BCL9: variants seen among roughly 807,000 people sequenced by gnomAD.
BCL9 encodes B-cell CLL/lymphoma 9 protein.
Under a neutral mutation model 88.5 loss-of-function variants are expected in BCL9, and 25 were observed. The observed-to-expected ratio is 0.28, with a 90% CI of 0.21 to 0.39. BCL9 has a LOEUF of 0.39. Ranked by LOEUF, BCL9 falls within the 10% of genes least tolerant of loss-of-function variation. The probability of loss-of-function intolerance (pLI) is 1.00; values close to 1 mark genes in which losing one functional copy is unlikely to be tolerated. For synonymous variants in BCL9, 711 were observed against 673.3 expected (o/e 1.06, Z -0.87); for missense variants, 1,817 against 1,877.8 (o/e 0.97, Z 0.60).
At chr1:147,598,905 C>G (rs1329578236) in intron 1 of BCL9, among the ~76,000 whole-genome samples, 1 of 152,220 alleles carries the variant, frequency 6.6e-6, no homozygotes, top group East Asian at 1.9e-4. Flanking sequence ...TAGCCCGAAT[C>G]TGAGCTTTGA....
intron 1 of BCL9, among the ~76,000 whole-genome samples, chr1:147,604,242 G>GT (rs1243719928): frequency 5.3e-5 from 8 of 152,084 alleles, no homozygotes; most frequent in Non-Finnish European, 1.2e-4. Context: ...ACATTTTCCC[G>GT]TCCCCCAGGT....
chr1:147,612,800 C>T, intron 4 of BCL9, 83 bp from the exon 5 acceptor site: 2 of 1,399,794 alleles, frequency 1.4e-6, no homozygotes, highest in Non-Finnish European at 2.0e-6. Flanking sequence ...CTCCTTGACC[C>T]CCAATAGAAA....
At position 147,619,749 on chromosome 1, in the gene BCL9, G is replaced by C. The variant is rs2101620268; in HGVS notation, c.1594G>C (p.Glu532Gln). ...TGAAGGCTGGGCACCTGGGGGTACA[G>C]AGCCATTTTCTGATGGTATCAACAT... ...PSEGWAPGGT[E>Q]PFSDGINMPH... Residue 532 changes from glutamate (E) to glutamine (Q), a missense_variant, in exon 8 of 10, where the codon GAG (glutamate) becomes CAG (glutamine). Physicochemically the swap from Glu to Gln is conservative, Grantham distance 29. Around this residue, in one of 2 missense-constraint regions of BCL9, gnomAD observed 1,228 missense variants for 1,191.6 expected, o/e 1.03. Transcript: ENST00000234739. The surrounding 1 kb of genome is among the most constrained non-coding windows in gnomAD (Gnocchi z 4.1). 1 of 1,614,064 alleles carries C rather than the reference G, an allele frequency of 6.2e-7. No individual in the cohort carries two copies. Among genetic ancestry groups the C allele is most frequent in the African/African-American group, 1.3e-5 (1 of 75,024 alleles).
In BCL9 at chr1:147,625,514, A is replaced by G. The variant is rs1434962869; in HGVS notation, c.*555A>G. The stretch of plus-strand genomic sequence containing the variant: ...TTTCTTTCAACTGCAGTGTATAGAA[A>G]AACCAAACTACGACCTCAGAGCAGA... On this transcript the variant is annotated 3_prime_UTR_variant, in exon 10 of 10. Coordinates refer to ENST00000234739, the MANE Select transcript of BCL9 (RefSeq NM_004326.4). 1 of 207,288 alleles carries G rather than the reference A, an allele frequency of 4.8e-6. No individual in the cohort carries two copies. Among genetic ancestry groups the G allele is most frequent in the Non-Finnish European group, 9.5e-6 (1 of 105,260 alleles). The allele number at this position is 207,288 out of a possible 1,614,324, so 12.8% of individuals were successfully genotyped here.
chr1:147,579,305 C>T (rs1322023484), intron 1 of BCL9, among the ~76,000 whole-genome samples: 1 of 152,194 alleles, frequency 6.6e-6, no homozygotes, highest in African/African-American at 2.4e-5. Context: ...TCCTAGGATT[C>T]TTTCTAACCT....
chr1:147,614,609 G>A lies in BCL9; in HGVS notation c.553G>A (p.Ala185Thr). 3 of 1,610,218 alleles carry A rather than the reference G, an allele frequency of 1.9e-6. No individual in the cohort carries two copies. Among genetic ancestry groups the A allele is most frequent in the Non-Finnish European group, 2.5e-6 (3 of 1,178,196 alleles). ...GGTGTACGTGTTTTCTACTGAGATG[G>A]CCAATAAGTAAGTTGATGGCTGTGT... ...KVVYVFSTEM[A>T]NKAAEAVLKG... The change falls in exon 6 of 10, where the codon GCC (alanine) becomes ACC (threonine). Residue 185 changes from alanine (A) to threonine (T), a missense_variant. Ala to Thr is a moderately conservative substitution (Grantham distance 58, BLOSUM62 0). This residue lies in a region of BCL9 where 1,228 missense variants were observed against 1,191.6 expected (regional missense o/e 1.03). Transcript: ENST00000234739.
At chr1:147,564,866 A>G (rs1570828637) in intron 1 of BCL9, among the ~76,000 whole-genome samples, 1 of 152,116 alleles carries the variant, frequency 6.6e-6, no homozygotes, top group Non-Finnish European at 1.5e-5. Flanking sequence ...GTTAATATCT[A>G]CCCGGTCCAA....
chr1:147,616,635 C>T (rs1026403006), intron 7 of BCL9, among the ~76,000 whole-genome samples: 6 of 152,034 alleles, frequency 3.9e-5, no homozygotes, highest in East Asian at 1.9e-4. Flanking sequence ...GGCATGCTGG[C>T]GGGTGCCTGT....
In BCL9 at chr1:147,619,318, C is replaced by T. The variant is rs587757712; in HGVS notation, c.1163C>T (p.Pro388Leu). Reference protein sequence around the residue: ...KEFTGAQSGGPQQNPGVLDGP... With the variant: ...KEFTGAQSGGLQQNPGVLDGP... ...TTCACAGGAGCACAAAGTGGGGGAC[C>T]GCAGCAGAATCCTGGGGTATTAGAT... The change falls in exon 8 of 10, where the codon CCG becomes CTG. Residue 388 changes from proline (P) to leucine (L), a missense_variant. Physicochemically the swap from Pro to Leu is moderately conservative, Grantham distance 98. This residue lies in a region of BCL9 where 1,228 missense variants were observed against 1,191.6 expected (regional missense o/e 1.03). Transcript: ENST00000234739. The surrounding 1 kb of genome is among the most constrained non-coding windows in gnomAD (Gnocchi z 4.1). The T allele has an allele frequency of 5.3e-5, 85 of 1,613,998 alleles. 1 individual carries two copies. The East Asian group carries it at 7.4e-4, about 14-fold the overall frequency.
intron 1 of BCL9, among the ~76,000 whole-genome samples, chr1:147,566,481 C>T (rs983488975): frequency 6.6e-6 from 1 of 151,820 alleles, no homozygotes; most frequent in Non-Finnish European, 1.5e-5. Flanking sequence ...CATGGCCAGG[C>T]GCGGTGGCTC....
chr1:147,585,477 G>A (rs1485931814), intron 1 of BCL9, among the ~76,000 whole-genome samples: 2 of 152,066 alleles, frequency 1.3e-5, no homozygotes, highest in African/African-American at 4.8e-5. Flanking sequence ...GATGGGGAGG[G>A]GATGATAAAG....
intron 1 of BCL9, among the ~76,000 whole-genome samples, chr1:147,546,594 C>T (rs892343451): frequency 6.6e-6 from 1 of 152,178 alleles, no homozygotes; most frequent in Non-Finnish European, 1.5e-5. Flanking sequence ...CCTTCCAGCT[C>T]TGCTATTCAG....
intron 1 of BCL9, among the ~76,000 whole-genome samples, chr1:147,590,144 C>T (rs1026931449): frequency 4.6e-5 from 7 of 152,112 alleles, no homozygotes; most frequent in Non-Finnish European, 7.4e-5. Context: ...TGGGCTCAAG[C>T]CATCCTCTTG....
In BCL9 at chr1:147,595,574, G is replaced by T. The variant is rs1053826992; in HGVS notation, c.-477-9203G>T. On this transcript the variant is annotated intron_variant, in intron 1 of 9. Coordinates refer to ENST00000234739, the MANE Select transcript of BCL9 (RefSeq NM_004326.4). ...AGTTATGAATAAGAAATGAGTCTGG[G>T]TTCACTGGTTTATGCCTATAATACT... 2.6e-5 allele frequency among the ~76,000 whole-genome samples: 4 copies of T among 152,300 alleles called. No homozygotes were observed. The Middle Eastern group carries it at 0.01, about 389-fold the overall frequency.
rs1553204756 is a variant in BCL9 at position 147,619,779 on chromosome 1, C to T, written c.1624C>T (p.His542Tyr). The change falls in exon 8 of 10, where the codon CAT becomes TAT. Residue 542 changes from histidine to tyrosine, a missense_variant. Coordinates refer to ENST00000234739, the MANE Select transcript of BCL9 (RefSeq NM_004326.4). The surrounding 1 kb of genome is among the most constrained non-coding windows in gnomAD (Gnocchi z 4.1). ...EPFSDGINMP[H>Y]SLPPRGMAPH... ...ATTTTCTGATGGTATCAACATGCCA[C>T]ATTCTCTGCCCCCGAGGGGCATGGC... The T allele has an allele frequency of 1.2e-6, 2 of 1,614,034 alleles. No homozygotes were observed. Among genetic ancestry groups the T allele is most frequent in the East Asian group, 2.2e-5 (1 of 44,876 alleles).
At position 147,615,862 on chromosome 1, in the gene BCL9, A is replaced by T. The variant is rs782275886; in HGVS notation, c.620A>T (p.Asn207Ile). ...ACTATCGTCTCTTTCCACATCCAGA[A>T]CATTTCTAACAACAAGACAGAGAGA... ...VETIVSFHIQ[N>I]ISNNKTERST... The change falls in exon 7 of 10, where the codon AAC (asparagine) becomes ATC (isoleucine). Residue 207 changes from asparagine to isoleucine, a missense_variant. By Grantham distance (149) the Asn-to-Ile change is moderately radical. Coordinates refer to ENST00000234739, the MANE Select transcript of BCL9 (RefSeq NM_004326.4). 1.9e-6 allele frequency: 3 copies of T among 1,614,188 alleles called. No individual in the cohort carries two copies. In the Admixed American group the frequency reaches 5.0e-5, roughly 27 times the overall value.
rs1332746687 is a variant in BCL9 at position 147,625,058 on chromosome 1, A to G, written c.*99A>G. 13 of 1,450,764 alleles carry G rather than the reference A, an allele frequency of 9.0e-6. No homozygotes were observed. The highest frequency in any genetic ancestry group is 1.2e-5 in the Non-Finnish European group (13 of 1,082,796). 89.9% of individuals were successfully genotyped at this position (1,450,764 alleles called of 1,614,324 possible). A position where few individuals can be genotyped will look rare whatever the true frequency, so the allele number is the denominator to read the frequency against. ...CAGGAGTACTTACTATTGGTCATGC[A>G]ATAGGAGAACAGAGACCCGAGGGCT... On this transcript the variant is annotated 3_prime_UTR_variant, in exon 10 of 10. Coordinates refer to ENST00000234739, the MANE Select transcript of BCL9 (RefSeq NM_004326.4).
At chr1:147,551,576 G>A (rs998492054) in intron 1 of BCL9, among the ~76,000 whole-genome samples, 27 of 152,146 alleles carry the variant, frequency 1.8e-4, no homozygotes, top group African/African-American at 6.0e-4. Context: ...TTTAAGAGGC[G>A]GAGAGGTCAT....
At chr1:147,579,375 G>A (rs1248748415) in intron 1 of BCL9, among the ~76,000 whole-genome samples, 3 of 152,210 alleles carry the variant, frequency 2.0e-5, no homozygotes, top group Non-Finnish European at 2.9e-5. Context: ...CTCAAATGCA[G>A]AGAATTGCCT....
Sources: allele counts gnomAD v4.1 joint callset (sites outside exome capture counted in the v4.1 genomes callset), GRCh38; gene constraint gnomAD v4.1.1; regional missense constraint gnomAD v4.1.1; non-coding constraint Gnocchi (gnomAD v3.1); transcripts MANE v1.5; gene names NCBI Gene and HGNC (gene_info 2026-07-23, HGNC 2026-07-21).